SNX4: variants seen among roughly 807,000 people sequenced by gnomAD.
The protein encoded by SNX4 is sorting nexin-4.
SNX4 carries 49 observed loss-of-function variants against 70.8 expected under a neutral mutation model. That is an observed-to-expected ratio of 0.69 (90% CI 0.55 to 0.88). SNX4 has a LOEUF of 0.88. Among genes scored for constraint, SNX4 ranks in the 40% least tolerant of loss-of-function variants. The pLI, the probability that SNX4 is intolerant of heterozygous loss-of-function variation, is 0.00. For missense variants in SNX4, 528 were observed against 544.8 expected (o/e 0.97, Z 0.31); for synonymous variants, 206 against 183.8 (o/e 1.12, Z -0.98).
intron 8 of SNX4, among the ~76,000 whole-genome samples, chr3:125,470,234 G>A (rs901840921): frequency 2.0e-5 from 3 of 151,940 alleles, no homozygotes; most frequent in Non-Finnish European, 4.4e-5. Context: ...GAGATCATAT[G>A]GTATATGTGA....
At chr3:125,449,708 T>C (rs181212026) in intron 13 of SNX4, among the ~76,000 whole-genome samples, 1 of 152,332 alleles carries the variant, frequency 6.6e-6, no homozygotes, top group African/African-American at 2.4e-5. Flanking sequence ...AATACAGCTA[T>C]AGTAGTATCT....
At chr3:125,451,822 TCA>T (rs1472671944) in intron 12 of SNX4, among the ~76,000 whole-genome samples, 1 of 152,020 alleles carries the variant, frequency 6.6e-6, no homozygotes, top group Admixed American at 6.6e-5. Context: ...AGACAGGGTT[TCA>T]CCATGTTGGC....
intron 1 of SNX4, 79 bp downstream of exon 1, chr3:125,519,953 A>ACCCCCCCCCC: frequency 2.7e-6 from 2 of 745,322 alleles, no homozygotes; most frequent in African/African-American, 2.7e-5. Context: ...GGCCCGGCCC[A>ACCCCCCCCCC]GCCCAGCCCA....
At chr3:125,478,053 T>C (rs976109926) in intron 7 of SNX4, among the ~76,000 whole-genome samples, 6 of 150,146 alleles carry the variant, frequency 4.0e-5, no homozygotes, top group African/African-American at 1.5e-4. Flanking sequence ...TCCTCCTTCT[T>C]CTTCTTCTTA....
intron 10 of SNX4, among the ~76,000 whole-genome samples, chr3:125,458,818 A>C (rs1933798952): frequency 2.5e-4 from 1 of 4,020 alleles, no homozygotes; most frequent in Non-Finnish European, 1.5e-3. Flanking sequence ...CCGTCTCAAA[A>C]AAAAAAAAAA....
chr3:125,453,983 G>A (rs1933645599), intron 11 of SNX4, 28 bp from the exon 12 acceptor site: 1 of 1,601,442 alleles, frequency 6.2e-7, no homozygotes, highest in African/African-American at 1.3e-5. Context: ...CAGATGAATG[G>A]ATAAACAAAA....
At chr3:125,448,113 T>C (rs1437306685) in intron 13 of SNX4, among the ~76,000 whole-genome samples, 1 of 151,960 alleles carries the variant, frequency 6.6e-6, no homozygotes, top group Non-Finnish European at 1.5e-5. Flanking sequence ...AATTTCTATT[T>C]GTAAATCAAA....
In SNX4 at chr3:125,498,212, A is replaced by G. The variant is rs1482842599; in HGVS notation, c.264-18T>C. ...CAACTGACCTGAAAAGGAACAGAAC[A>G]ACACTTGTTATTTTTTATAAACAAA... On this transcript the variant is annotated intron_variant, in intron 2 of 13. Coordinates refer to ENST00000251775, the MANE Select transcript of SNX4 (RefSeq NM_003794.4). 6.3e-7 allele frequency: 1 copy of G among 1,596,692 alleles called. No homozygotes were observed. Among genetic ancestry groups the G allele is most frequent in the East Asian group, 2.2e-5 (1 of 44,768 alleles).
chr3:125,448,159 G>A (rs1197810289), intron 13 of SNX4, among the ~76,000 whole-genome samples: 1 of 151,062 alleles, frequency 6.6e-6, no homozygotes, highest in African/African-American at 2.4e-5. Flanking sequence ...TGGAGATAGG[G>A]TCTCACTCTG....
chr3:125,491,144 C>T (rs1450575968), intron 5 of SNX4, among the ~76,000 whole-genome samples: 1 of 152,144 alleles, frequency 6.6e-6, no homozygotes, highest in African/African-American at 2.4e-5. Flanking sequence ...AGGGAATTCT[C>T]TTATGGAATT....
intron 13 of SNX4, among the ~76,000 whole-genome samples, chr3:125,450,602 A>G (rs529056861): frequency 1.5e-4 from 23 of 152,350 alleles, no homozygotes; most frequent in African/African-American, 5.5e-4. Flanking sequence ...GGCAGATCTT[A>G]GGTTATAAAA....
At chr3:125,491,972 G>A (rs996302304) in intron 5 of SNX4, among the ~76,000 whole-genome samples, 3 of 151,906 alleles carry the variant, frequency 2.0e-5, no homozygotes, top group Non-Finnish European at 4.4e-5. Context: ...GCCAGGTGTG[G>A]TGGCACATGC....
intron 9 of SNX4, among the ~76,000 whole-genome samples, chr3:125,468,334 C>T (rs1036907250): frequency 6.6e-6 from 1 of 152,124 alleles, no homozygotes; most frequent in Admixed American, 6.6e-5. Context: ...ACACCAAATC[C>T]CCATGTCAGG....
At chr3:125,460,623 C>T (rs960536950) in intron 10 of SNX4, 148 bp downstream of exon 10, 3 of 425,946 alleles carry the variant, frequency 7.0e-6, no homozygotes, top group Admixed American at 4.5e-5. Context: ...TAGCACTCTG[C>T]AACACAGAGA....
chr3:125,514,384 C>A (rs1407202913), intron 1 of SNX4, among the ~76,000 whole-genome samples: 2 of 138,270 alleles, frequency 1.4e-5, no homozygotes, highest in South Asian at 2.3e-4. Flanking sequence ...GGGTTGTGAC[C>A]AACACTTTTT....
At chr3:125,464,428 A>G (rs1933956472) in intron 9 of SNX4, among the ~76,000 whole-genome samples, 1 of 151,714 alleles carries the variant, frequency 6.6e-6, no homozygotes, top group African/African-American at 2.4e-5. Context: ...GTTTTGTGTC[A>G]AGTGTAAGAT....
At chr3:125,468,198 C>T (rs1934079750) in intron 9 of SNX4, among the ~76,000 whole-genome samples, 2 of 152,128 alleles carry the variant, frequency 1.3e-5, no homozygotes, top group African/African-American at 4.8e-5. Flanking sequence ...ACATTCAGTA[C>T]ACGTGGATTA....
chr3:125,493,379 C>T (rs1019323019), intron 5 of SNX4, among the ~76,000 whole-genome samples: 10 of 152,072 alleles, frequency 6.6e-5, no homozygotes, highest in Non-Finnish European at 1.3e-4. Context: ...TTTGGCCAGG[C>T]GTGGTGGCTC....
rs1255757258 is a variant in SNX4 at position 125,447,668 on chromosome 3, TTTAAC to T, written c.*106_*110del. Reference sequence around the variant, plus strand: ...ATTAAGTTAAAGAAAGCTGAATTTATTTAACTTATTGTATATGTTTATGTATACTA... The same window carrying T: ...ATTAAGTTAAAGAAAGCTGAATTTATTTATTGTATATGTTTATGTATACTA... On this transcript the variant is annotated 3_prime_UTR_variant, in exon 14 of 14. Coordinates refer to ENST00000251775, the MANE Select transcript of SNX4 (RefSeq NM_003794.4). 7.4e-6 allele frequency: 5 copies of T among 677,032 alleles called. No individual in the cohort carries two copies. Among genetic ancestry groups the T allele is most frequent in the Non-Finnish European group, 1.2e-5 (5 of 400,748 alleles). 41.9% of individuals were successfully genotyped at this position (677,032 alleles called of 1,614,324 possible). A position where few individuals can be genotyped will look rare whatever the true frequency, so the allele number is the denominator to read the frequency against.
Sources: gnomAD v4.1 joint callset for allele counts (sites outside exome capture counted in the v4.1 genomes callset) on GRCh38, gnomAD v4.1.1 for gene constraint, MANE v1.5 for transcripts, NCBI Gene and HGNC (gene_info 2026-07-23, HGNC 2026-07-21) for gene names.